CACNA2D3: variants seen among roughly 807,000 people sequenced by gnomAD.
CACNA2D3 encodes the protein calcium voltage-gated channel auxiliary subunit alpha2delta 3, also known as voltage-dependent calcium channel subunit alpha-2/delta-3.
CACNA2D3 carries 60 observed loss-of-function variants against 160.6 expected under a neutral mutation model. That is an observed-to-expected ratio of 0.37 (90% CI 0.30 to 0.46). The LOEUF is 0.46. Ranked by LOEUF, CACNA2D3 falls within the 20% of genes least tolerant of loss-of-function variation. The pLI is 1.00. For synonymous variants in CACNA2D3, 558 were observed against 492.9 expected, an observed-to-expected ratio of 1.13 and a Z score of -1.75; for missense variants, 1,205 against 1,365.0, an observed-to-expected ratio of 0.88 and a Z score of 1.85.
At chr3:54,879,445 A>C (rs1699741187) in intron 20 of CACNA2D3, 34 bp downstream of exon 20, 1 of 1,456,214 alleles carries the variant, frequency 6.9e-7, no homozygotes. Flanking sequence ...ACATTCCATC[A>C]GACCCATCAG....
At chr3:54,331,704 T>C (rs1220164963) in intron 3 of CACNA2D3, among the ~76,000 whole-genome samples, 2 of 152,200 alleles carry the variant, frequency 1.3e-5, no homozygotes, top group Non-Finnish European at 2.9e-5. Flanking sequence ...TAAGGGGACA[T>C]GGAATCTTTC....
chr3:54,753,589 A>G (rs1431466438), intron 12 of CACNA2D3, among the ~76,000 whole-genome samples: 2 of 152,228 alleles, frequency 1.3e-5, no homozygotes, highest in Non-Finnish European at 2.9e-5. Flanking sequence ...CATGACAAAT[A>G]AACTTTTATG....
chr3:54,807,238 G>A (rs183112017), intron 13 of CACNA2D3, among the ~76,000 whole-genome samples: 86 of 152,180 alleles, frequency 5.7e-4, no homozygotes, highest in African/African-American at 1.2e-3. Context: ...TCTGCACAGC[G>A]AAAGAAACTA....
intron 5 of CACNA2D3, among the ~76,000 whole-genome samples, chr3:54,518,152 CA>C (rs1701583902): frequency 6.6e-6 from 1 of 152,132 alleles, no homozygotes. Flanking sequence ...CTGCTAAATG[CA>C]GAGCTGAGAC....
chr3:54,425,261 G>T (rs1436106751), intron 4 of CACNA2D3, among the ~76,000 whole-genome samples: 1 of 152,206 alleles, frequency 6.6e-6, no homozygotes. Flanking sequence ...GAACCGGGAG[G>T]TGGCAGTTGC....
chr3:55,049,909 G>A (rs1704150712), intron 35 of CACNA2D3, among the ~76,000 whole-genome samples: 1 of 150,776 alleles, frequency 6.6e-6, no homozygotes, highest in Non-Finnish European at 1.5e-5. Context: ...TGTTTTATCA[G>A]AGACTAGGAT....
In CACNA2D3 at chr3:54,667,408, A is replaced by G. The variant is rs137946291; in HGVS notation, c.1167+25167A>G. On this transcript the variant is annotated intron_variant, in intron 11 of 37. Transcript: ENST00000474759. The stretch of plus-strand genomic sequence containing the variant: ...AAGGCAGAGGCTGGAAGGAGGTGGC[A>G]AGAAGAAGGTCAGATGCCATTTGTA... 6.9e-3 allele frequency among the ~76,000 whole-genome samples: 1,050 copies of G among 152,032 alleles called. 7 individuals carry two copies. Among genetic ancestry groups the G allele is most frequent in the Non-Finnish European group, 0.012 (793 of 67,914 alleles).
At chr3:54,842,907 A>G (rs1291789915) in intron 16 of CACNA2D3, among the ~76,000 whole-genome samples, 1 of 151,450 alleles carries the variant, frequency 6.6e-6, no homozygotes, top group Non-Finnish European at 1.5e-5. Context: ...GACCACCTCC[A>G]GTTCTTTCTA....
At chr3:54,254,629 T>A (rs928593610) in intron 2 of CACNA2D3, among the ~76,000 whole-genome samples, 18 of 152,168 alleles carry the variant, frequency 1.2e-4, no homozygotes, top group African/African-American at 4.3e-4. Context: ...TTCAGAGGAT[T>A]AAATGCTAAA....
At chr3:54,146,065 T>C (rs2107274352) in intron 2 of CACNA2D3, among the ~76,000 whole-genome samples, 1 of 152,294 alleles carries the variant, frequency 6.6e-6, no homozygotes, top group East Asian at 1.9e-4. Flanking sequence ...GTTGTTATTG[T>C]TGTTGTTATT....
In CACNA2D3 at chr3:54,408,288, C is replaced by A. The variant is rs181539174; in HGVS notation, c.381+21514C>A. ...TTGAGTGGAGCTTCTAAGAGCTCCA[C>A]TCAATATCTCCAAGCACAGAGAACA... is the stretch of plus-strand genomic sequence containing the variant. On this transcript the variant is annotated intron_variant, in intron 4 of 37. Coordinates refer to ENST00000474759, the MANE Select transcript of CACNA2D3 (RefSeq NM_018398.3). 1.1e-3 allele frequency among the ~76,000 whole-genome samples: 172 copies of A among 152,188 alleles called. No individual in the cohort carries two copies. In the Middle Eastern group the frequency reaches 0.014, roughly 12 times the overall value.
intron 4 of CACNA2D3, among the ~76,000 whole-genome samples, chr3:54,402,459 C>T (rs776952762): frequency 4.0e-5 from 6 of 151,546 alleles, no homozygotes; most frequent in Non-Finnish European, 7.4e-5. Flanking sequence ...ATGCAAATGG[C>T]AACCAAAAAA....
intron 11 of CACNA2D3, among the ~76,000 whole-genome samples, chr3:54,738,857 G>A (rs189839610): frequency 3.9e-5 from 6 of 152,120 alleles, no homozygotes; most frequent in East Asian, 1.9e-4. Flanking sequence ...TTTCTCTTAC[G>A]TGTAAGACTT....
chr3:54,945,982 G>A (rs1020402009), intron 27 of CACNA2D3, among the ~76,000 whole-genome samples: 12 of 152,158 alleles, frequency 7.9e-5, no homozygotes, highest in African/African-American at 2.2e-4. Context: ...TCTTTGCCAC[G>A]CTTATTCGCC....
chr3:54,134,937 G>A (rs915503757), intron 2 of CACNA2D3, among the ~76,000 whole-genome samples: 89 of 152,378 alleles, frequency 5.8e-4, no homozygotes, highest in Middle Eastern at 3.4e-3. Context: ...AGCACCAAGC[G>A]AGACTGATGG....
intron 5 of CACNA2D3, among the ~76,000 whole-genome samples, chr3:54,507,214 T>C (rs1423945679): frequency 6.6e-6 from 1 of 152,212 alleles, no homozygotes; most frequent in Non-Finnish European, 1.5e-5. Flanking sequence ...CCTTCCTTTT[T>C]CTTCCATTGT....
Position 54,597,779 on chromosome 3 carries a change from A to G in CACNA2D3, c.963+15902A>G, listed in dbSNP as rs573016377. ...TGTTATAGCAACACACATATATCCC[A>G]TTGCAGTTACTGTTCAGCATGACAA... On this transcript the variant is annotated intron_variant, in intron 9 of 37. Transcript: ENST00000474759. 5.9e-5 allele frequency among the ~76,000 whole-genome samples: 9 copies of G among 152,296 alleles called. No individual in the cohort carries two copies. In the South Asian group the frequency reaches 1.9e-3, roughly 32 times the overall value.
chr3:55,066,750 C>G (rs1704649132), intron 35 of CACNA2D3, among the ~76,000 whole-genome samples: 1 of 152,158 alleles, frequency 6.6e-6, no homozygotes. Context: ...TCCCAACTCC[C>G]TTTCCCTCGA....
chr3:54,539,875 G>A (rs890630322), intron 5 of CACNA2D3, among the ~76,000 whole-genome samples: 16 of 152,150 alleles, frequency 1.1e-4, no homozygotes, highest in African/African-American at 3.9e-4. Context: ...TTTAGGACCA[G>A]TTTTGCAAAG....
Sources: gnomAD v4.1 joint callset for allele counts (sites outside exome capture counted in the v4.1 genomes callset) on GRCh38, gnomAD v4.1.1 for gene constraint, MANE v1.5 for transcripts, NCBI Gene and HGNC (gene_info 2026-07-23, HGNC 2026-07-21) for gene names.